KIF24: variants seen among roughly 807,000 people sequenced by gnomAD.
The protein encoded by KIF24 is kinesin-like protein KIF24.
A neutral mutation model predicts 118.9 loss-of-function variants in KIF24; 81 were observed. The observed-to-expected ratio is 0.68, with a 90% CI of 0.57 to 0.82. KIF24 has a LOEUF of 0.82. Among genes scored for constraint, KIF24 ranks in the 40% least tolerant of loss-of-function variants. The pLI is 0.00. For synonymous variants in KIF24, 599 were observed against 610.0 expected (o/e 0.98, Z 0.27); for missense variants, 1,560 against 1,661.6 (o/e 0.94, Z 1.06).
chr9:34,286,189 C>T (rs1836044789), intron 6 of KIF24, among the ~76,000 whole-genome samples: 1 of 152,030 alleles, frequency 6.6e-6, no homozygotes, highest in African/African-American at 2.4e-5. Context: ...CAAAAATTAG[C>T]CAGGTGTGGT....
At chr9:34,327,077 T>C (rs115074290) in intron 1 of KIF24, among the ~76,000 whole-genome samples, 17 of 152,338 alleles carry the variant, frequency 1.1e-4, no homozygotes, top group African/African-American at 3.8e-4. Flanking sequence ...ATTATTAGTT[T>C]ATACCTACAG....
At chr9:34,277,904 A>G (rs1481279182) in intron 6 of KIF24, among the ~76,000 whole-genome samples, 1 of 152,232 alleles carries the variant, frequency 6.6e-6, no homozygotes, top group Non-Finnish European at 1.5e-5. Flanking sequence ...CAGGGTTCAC[A>G]TGCCAGCTCT....
chr9:34,330,688 G>C (rs552563394), upstream of KIF24, among the ~76,000 whole-genome samples: 2 of 152,212 alleles, frequency 1.3e-5, no homozygotes, highest in African/African-American at 4.8e-5. Flanking sequence ...GCGGCCGGGC[G>C]CGGTGGCTCA....
At chr9:34,322,798 G>A (rs774052409) in intron 1 of KIF24, among the ~76,000 whole-genome samples, 8 of 152,112 alleles carry the variant, frequency 5.3e-5, no homozygotes, top group Non-Finnish European at 1.0e-4. Context: ...GGAGGTTGCA[G>A]TGAGCCAAGA....
rs1166779825 is a variant in KIF24 at position 34,310,704 on chromosome 9, A to G, written c.623+20T>C. 6.5e-7 allele frequency: 1 copy of G among 1,547,154 alleles called. No homozygotes were observed. Among genetic ancestry groups the G allele is most frequent in the Admixed American group, 2.0e-5 (1 of 49,272 alleles). ...CTGAGGCTACTTTCCCTCAAAAGAA[A>G]GAAAGATAAAATTTATTACCTGATA... is the stretch of plus-strand genomic sequence containing the variant. On this transcript the variant is annotated intron_variant, in intron 2 of 12. Transcript: ENST00000402558.
rs1476296287 is a variant in KIF24 at position 34,269,320 on chromosome 9, A to T, written c.1380T>A (p.Asp460Glu). ...IDLAGSERAADARDSDRQTKM... is the reference protein window; with the variant it reads ...IDLAGSERAAEARDSDRQTKM... ...TTGTCTGTCTATCTGAGTCCCTTGC[A>T]TCTGCTGCTCTTTCACTGCCAGCCA... Residue 460 changes from aspartate (D) to glutamate (E), a missense_variant, in exon 8 of 13, where the codon GAT (aspartate) becomes GAA (glutamate). Asp to Glu is a conservative substitution (Grantham distance 45, BLOSUM62 2). Transcript: ENST00000402558. 22 of 1,611,956 alleles carry T rather than the reference A, an allele frequency of 1.4e-5. No homozygotes were observed. Among genetic ancestry groups the T allele is most frequent in the Non-Finnish European group, 1.9e-5 (22 of 1,178,470 alleles).
At chr9:34,294,548 C>CA (rs60426705) in intron 4 of KIF24, among the ~76,000 whole-genome samples, 19 of 150,128 alleles carry the variant, frequency 1.3e-4, no homozygotes, top group Middle Eastern at 3.2e-3. Context: ...AACTCCGTCT[C>CA]AAAAAAAAAA....
At chr9:34,315,073 A>G (rs1837290452) in intron 1 of KIF24, among the ~76,000 whole-genome samples, 1 of 152,184 alleles carries the variant, frequency 6.6e-6, no homozygotes, top group African/African-American at 2.4e-5. Context: ...ACTACTGTAT[A>G]CTTTTAAATG....
intron 3 of KIF24, among the ~76,000 whole-genome samples, chr9:34,297,333 C>A (rs1587950983): frequency 6.6e-6 from 1 of 152,260 alleles, no homozygotes; most frequent in East Asian, 1.9e-4. Context: ...CTAAGGCATA[C>A]ATTTTTTGTT....
intron 1 of KIF24, among the ~76,000 whole-genome samples, chr9:34,326,163 G>A (rs968670726): frequency 6.6e-6 from 1 of 152,136 alleles, no homozygotes; most frequent in Non-Finnish European, 1.5e-5. Flanking sequence ...AGATGAGCCT[G>A]GACAACATAG....
intron 1 of KIF24, among the ~76,000 whole-genome samples, chr9:34,326,611 G>A (rs898900471): frequency 3.9e-5 from 6 of 152,108 alleles, no homozygotes; most frequent in African/African-American, 7.2e-5. Flanking sequence ...AGGGTTCCAC[G>A]TGAGCACATT....
At chr9:34,332,634 C>T (rs547827425), upstream of KIF24, among the ~76,000 whole-genome samples, 1 of 152,290 alleles carries the variant, frequency 6.6e-6, no homozygotes, top group African/African-American at 2.4e-5. Context: ...TGACTTTGGC[C>T]TTATCCTAGA....
At chr9:34,284,065 T>G (rs1441889432) in intron 6 of KIF24, among the ~76,000 whole-genome samples, 1 of 151,674 alleles carries the variant, frequency 6.6e-6, no homozygotes, top group Non-Finnish European at 1.5e-5. Flanking sequence ...CCCAGGAACT[T>G]GAGACCAGCC....
Position 34,256,011 on chromosome 9 carries a change from A to AC in KIF24, c.3595dup (p.Val1199GlyfsTer15). The AC allele has an allele frequency of 6.2e-7, 1 of 1,613,512 alleles. No homozygotes were observed. Among genetic ancestry groups the AC allele is most frequent in the Non-Finnish European group, 8.5e-7 (1 of 1,179,730 alleles). On this transcript the variant is annotated frameshift_variant, in exon 11 of 13. Transcript: ENST00000402558. LOFTEE classifies it high-confidence loss of function. ...GGTGAGTGTAGGTCCAGAATGGGGTACCCCCATATGTATGGTGGTGAAGGG... is the reference window on the plus strand; with the variant it reads ...GGTGAGTGTAGGTCCAGAATGGGGTACCCCCCATATGTATGGTGGTGAAGGG...
upstream of KIF24, among the ~76,000 whole-genome samples, chr9:34,329,942 G>C (rs1379988942): frequency 6.6e-6 from 1 of 152,202 alleles, no homozygotes; most frequent in Admixed American, 6.5e-5. Flanking sequence ...CTGGGCCTCA[G>C]TTTCACTTGT....
Position 34,255,989 on chromosome 9 carries a change from G to A in KIF24, c.3618C>T (p.Leu1206=). 3 of 1,614,004 alleles carry A rather than the reference G, an allele frequency of 1.9e-6. No individual in the cohort carries two copies. Among genetic ancestry groups the A allele is most frequent in the African/African-American group, 2.7e-5 (2 of 75,040 alleles). The part of the protein sequence containing the change: ...HMGVPHSGPT[L]TPRTGSSDVA... ...CATCACTACTTCCTGTTCGTGGGGT[G>A]AGTGTAGGTCCAGAATGGGGTACCC... The change falls in exon 11 of 13, where the codon CTC becomes CTT. Residue 1206 remains leucine (L), a synonymous_variant. Transcript: ENST00000402558.
intron 3 of KIF24, among the ~76,000 whole-genome samples, chr9:34,304,155 T>C (rs1836828845): frequency 6.6e-6 from 1 of 152,198 alleles, no homozygotes; most frequent in Non-Finnish European, 1.5e-5. Flanking sequence ...TCTCTAAATA[T>C]GTTTAAAAAT....
In KIF24 at chr9:34,318,771, C is replaced by T. The variant is rs548005674; in HGVS notation, c.-25-7400G>A. 406 of 1,524,156 alleles carry T rather than the reference C, an allele frequency of 2.7e-4. 4 individuals carry two copies. The Middle Eastern group carries it at 5.6e-3, about 21-fold the overall frequency. The allele number at this position is 1,524,156 out of a possible 1,614,324, so 94.4% of individuals were successfully genotyped here. ...CTGCGTTCACTCAGCAACTCCACCG[C>T]GCGCAACGTGACCTGGAAGCTGTGC... is the stretch of plus-strand genomic sequence containing the variant. On this transcript the variant is annotated intron_variant, in intron 1 of 12. Transcript: ENST00000402558. The surrounding 1 kb of genome is among the most constrained non-coding windows in gnomAD (Gnocchi z 4.9).
At position 34,257,529 on chromosome 9, in the gene KIF24, C is replaced by G; in HGVS notation, c.2078G>C (p.Gly693Ala). 2.5e-6 allele frequency: 4 copies of G among 1,614,060 alleles called. No individual in the cohort carries two copies. The South Asian group carries it at 4.4e-5, about 18-fold the overall frequency. Residue 693 changes from glycine to alanine, a missense_variant, in exon 11 of 13, where the codon GGC becomes GCC. By Grantham distance (60) the Gly-to-Ala change is moderately conservative. Coordinates refer to ENST00000402558, the MANE Select transcript of KIF24 (RefSeq NM_194313.4). ...GGTGGACAGCTTACCACGCACTAGG[C>G]CTTCTCCTGGGCCTGAGGCCCTGCT... ...WESRASGPGE[G>A]LVRGKLSTKC... is the part of the protein sequence containing the mutation.
Sources: gnomAD v4.1 joint callset for allele counts (sites outside exome capture counted in the v4.1 genomes callset) on GRCh38, gnomAD v4.1.1 for gene constraint, Gnocchi (gnomAD v3.1) non-coding constraint, MANE v1.5 for transcripts, NCBI Gene and HGNC (gene_info 2026-07-23, HGNC 2026-07-21) for gene names.